The following SMARCA2 variants were observed in gnomAD, a reference collection of about 807,000 sequenced individuals.
The protein encoded by SMARCA2 is SWI/SNF related BAF chromatin remodeling complex subunit ATPase 2.
A neutral mutation model predicts 199.8 loss-of-function variants in SMARCA2; 61 were observed. The ratio of observed to expected loss-of-function variants is 0.31; its 90% CI spans 0.25 to 0.38. The LOEUF (loss-of-function observed/expected upper bound fraction) is 0.38. Ranked by LOEUF, SMARCA2 falls within the 10% of genes least tolerant of loss-of-function variation. The pLI is 1.00. For missense variants in SMARCA2, 1,344 were observed against 2,012.2 expected, an observed-to-expected ratio of 0.67 and a Z score of 6.35; for synonymous variants, 935 against 732.0, an observed-to-expected ratio of 1.28 and a Z score of -4.48.
intron 21 of SMARCA2, among the ~76,000 whole-genome samples, chr9:2,100,591 A>G (rs1319670623): frequency 6.6e-6 from 1 of 152,092 alleles, no homozygotes; most frequent in African/African-American, 2.4e-5. Context: ...AGTCCCAGCT[A>G]TTCAGGAGTC....
intron 5 of SMARCA2, among the ~76,000 whole-genome samples, chr9:2,052,565 G>A (rs148649623): frequency 2.0e-5 from 3 of 152,204 alleles, no homozygotes; most frequent in Non-Finnish European, 4.4e-5. Context: ...AAATTAGAAC[G>A]AATAACGTGC....
At position 2,105,921 on chromosome 9, in the gene SMARCA2, A is replaced by T. The variant is rs559393089; in HGVS notation, c.3292+1752A>T. Among the ~76,000 whole-genome samples the T allele has an allele frequency of 7.2e-5, 11 of 152,276 alleles. No homozygotes were observed. In the South Asian group the frequency reaches 1.0e-3, roughly 14 times the overall value. On this transcript the variant is annotated intron_variant, in intron 23 of 33. Coordinates refer to ENST00000349721, the MANE Select transcript of SMARCA2 (RefSeq NM_003070.5). ...TTCTTTGGAATATTTGCATCTCTCAAACTGGTAAGAAGTGACTTCCTGGAA... is the reference window on the plus strand; with the variant it reads ...TTCTTTGGAATATTTGCATCTCTCATACTGGTAAGAAGTGACTTCCTGGAA...
chr9:2,054,833 G>T, intron 6 of SMARCA2, 110 bp downstream of exon 6: 1 of 1,114,376 alleles, frequency 9.0e-7, no homozygotes, highest in Non-Finnish European at 1.3e-6. Context: ...AAGATATAAA[G>T]ATATAAATAT....
intron 27 of SMARCA2, among the ~76,000 whole-genome samples, chr9:2,131,058 T>C (rs1456639440): frequency 6.6e-6 from 1 of 152,234 alleles, no homozygotes; most frequent in Non-Finnish European, 1.5e-5. Flanking sequence ...AACTTCAGAA[T>C]CCTTCCTTTC....
At chr9:2,100,381 A>G (rs1707062432) in intron 21 of SMARCA2, among the ~76,000 whole-genome samples, 1 of 152,182 alleles carries the variant, frequency 6.6e-6, no homozygotes, top group African/African-American at 2.4e-5. Flanking sequence ...GTAATGGAGG[A>G]AAGCACAGTA....
chr9:2,064,201 C>T (rs1056587272), intron 9 of SMARCA2, among the ~76,000 whole-genome samples: 3 of 152,174 alleles, frequency 2.0e-5, no homozygotes, highest in African/African-American at 7.2e-5. Flanking sequence ...GAAAATTGGA[C>T]CACTGTCTGA....
chr9:2,029,281 C>T (rs966195134), intron 2 of SMARCA2, 34 bp downstream of exon 2: 1 of 1,581,886 alleles, frequency 6.3e-7, no homozygotes, highest in Non-Finnish European at 8.6e-7. Flanking sequence ...AACTCAACTT[C>T]TGATAAGTGG....
chr9:2,032,257 A>T (rs1037374326), intron 2 of SMARCA2, among the ~76,000 whole-genome samples: 9 of 152,160 alleles, frequency 5.9e-5, no homozygotes, highest in African/African-American at 2.2e-4. Context: ...CCAATTCTGG[A>T]TTGGATTAAT....
At chr9:2,180,589 C>T (rs1826954686) in intron 29 of SMARCA2, among the ~76,000 whole-genome samples, 1 of 152,172 alleles carries the variant, frequency 6.6e-6, no homozygotes, top group African/African-American at 2.4e-5. Context: ...GTAGAGATGG[C>T]ATCCTAAGGG....
intron 19 of SMARCA2, among the ~76,000 whole-genome samples, chr9:2,093,520 T>C (rs1400638698): frequency 6.6e-6 from 1 of 152,192 alleles, no homozygotes; most frequent in African/African-American, 2.4e-5. Flanking sequence ...TGCTGCCTGG[T>C]TCATTTACTT....
In SMARCA2 at chr9:2,047,425, C is replaced by T; in HGVS notation, c.987C>T (p.Ser329=). 1.9e-6 allele frequency: 3 copies of T among 1,587,084 alleles called. No individual in the cohort carries two copies. Among genetic ancestry groups the T allele is most frequent in the African/African-American group, 1.4e-5 (1 of 72,864 alleles). ...TGCAGCAGAAGCAGAGCCGCATCAG[C>T]CCCATCCAGAAACCGCAAGGCCTGG... The part of the protein sequence containing the change: ...LQLQQKQSRI[S]PIQKPQGLDP... The change falls in exon 5 of 34, where the codon AGC becomes AGT. Residue 329 remains serine (S), a synonymous_variant. Coordinates refer to ENST00000349721, the MANE Select transcript of SMARCA2 (RefSeq NM_003070.5).
Position 2,119,875 on chromosome 9 carries a change from C to T in SMARCA2, c.3762+340C>T, listed in dbSNP as rs1479307053. On this transcript the variant is annotated intron_variant, in intron 26 of 33. Transcript: ENST00000349721. This position sits in a 1 kb window ranked among gnomAD's most constrained non-coding sequence, Gnocchi z 4.6. The stretch of plus-strand genomic sequence containing the variant: ...GCAGCTGCACTCTCTGGACAGGCCT[C>T]GCGGTCTACAGCTTACCATAGACGC... 1.3e-5 allele frequency among the ~76,000 whole-genome samples: 2 copies of T among 152,222 alleles called. No homozygotes were observed. The highest frequency in any genetic ancestry group is 2.1e-4 in the South Asian group (1 of 4,832).
At chr9:2,095,035 TA>T (rs1822212680) in intron 19 of SMARCA2, among the ~76,000 whole-genome samples, 1 of 152,116 alleles carries the variant, frequency 6.6e-6, no homozygotes, top group African/African-American at 2.4e-5. Context: ...TATACCTTTC[TA>T]AAATATTATA....
At chr9:2,176,398 C>T (rs931771561) in intron 29 of SMARCA2, among the ~76,000 whole-genome samples, 1 of 152,040 alleles carries the variant, frequency 6.6e-6, no homozygotes, top group African/African-American at 2.4e-5. Context: ...AATCATGCAT[C>T]AGAGTGTGAT....
intron 1 of SMARCA2, chr9:2,021,982 A>T (rs2130135305): frequency 6.6e-6 from 1 of 152,146 alleles, no homozygotes; most frequent in South Asian, 2.1e-4. Flanking sequence ...ACCCGGCGAG[A>T]TCACAGAGAC....
intron 27 of SMARCA2, among the ~76,000 whole-genome samples, chr9:2,152,622 TG>T (rs1825135282): frequency 6.6e-6 from 1 of 151,002 alleles, no homozygotes; most frequent in African/African-American, 2.4e-5. Flanking sequence ...GAGGCTGAGG[TG>T]GGCGGATCAC....
chr9:2,060,289 T>C (rs931186600), intron 8 of SMARCA2, among the ~76,000 whole-genome samples: 1 of 152,152 alleles, frequency 6.6e-6, no homozygotes, highest in Non-Finnish European at 1.5e-5. Context: ...TATTTATGAA[T>C]GAAAGGATAT....
rs573118021 is a variant in SMARCA2 at position 2,186,204 on chromosome 9, G to C, written c.4570G>C (p.Asp1524His). 6.2e-7 allele frequency: 1 copy of C among 1,614,038 alleles called. No individual in the cohort carries two copies. Among genetic ancestry groups the C allele is most frequent in the African/African-American group, 1.3e-5 (1 of 75,044 alleles). Reference sequence around the variant, plus strand: ...AAGCAATGAAGAGGAGGAAGAGGAAGATGAAGAAGAGTCAGAGTCCGAGGG... The same window carrying C: ...AAGCAATGAAGAGGAGGAAGAGGAACATGAAGAAGAGTCAGAGTCCGAGGG... ...DESNEEEEEEDEEESESEAKS... is the reference protein window; with the variant it reads ...DESNEEEEEEHEEESESEAKS... Residue 1524 changes from aspartate to histidine, a missense_variant, in exon 32 of 34, where the codon GAT becomes CAT. By Grantham distance (81) the Asp-to-His change is moderately conservative. Coordinates refer to ENST00000349721, the MANE Select transcript of SMARCA2 (RefSeq NM_003070.5).
intron 23 of SMARCA2, among the ~76,000 whole-genome samples, chr9:2,105,495 C>G (rs1437154812): frequency 6.6e-6 from 1 of 152,040 alleles, no homozygotes; most frequent in East Asian, 1.9e-4. Flanking sequence ...CTCAAGTGAT[C>G]CACCTGCCTC....
Sources: allele counts gnomAD v4.1 joint callset (sites outside exome capture counted in the v4.1 genomes callset), GRCh38; gene constraint gnomAD v4.1.1; non-coding constraint Gnocchi (gnomAD v3.1); transcripts MANE v1.5; gene names NCBI Gene and HGNC (gene_info 2026-07-23, HGNC 2026-07-21).